VPS8: variants seen among roughly 807,000 people sequenced by gnomAD.
VPS8 encodes VPS8 subunit of CORVET complex, also known as vacuolar protein sorting-associated protein 8 homolog.
In VPS8, 129 loss-of-function variants were observed where a neutral mutation model predicts 216.4. The ratio of observed to expected loss-of-function variants is 0.60; its 90% confidence interval spans 0.52 to 0.69. VPS8 has a LOEUF of 0.69. VPS8 is among the 30% of genes least tolerant of loss of function. The probability of loss-of-function intolerance (pLI) is 0.00; values close to 1 mark genes in which losing one functional copy is unlikely to be tolerated. For missense variants in VPS8, 1,531 were observed against 1,683.5 expected, an observed-to-expected ratio of 0.91 and a Z score of 1.59; for synonymous variants, 571 against 565.4, an observed-to-expected ratio of 1.01 and a Z score of -0.14.
At chr3:184,930,775 C>T (rs1740541603) in intron 34 of VPS8, among the ~76,000 whole-genome samples, 1 of 152,146 alleles carries the variant, frequency 6.6e-6, no homozygotes, top group Non-Finnish European at 1.5e-5. Flanking sequence ...CTGAAACTAG[C>T]CCATGTTCAA....
At position 184,866,964 on chromosome 3, in the gene VPS8, C is replaced by T. The variant is rs576661941; in HGVS notation, c.1470+14C>T. On this transcript the variant is annotated intron_variant, in intron 17 of 47. Transcript: ENST00000625842. ...TTGGGGACAAAAGTAAGCTCTTTTA[C>T]TCTGTGAGTTGGTATTTGTATGTAT... is the stretch of plus-strand genomic sequence containing the variant. 1.8e-5 allele frequency: 29 copies of T among 1,610,664 alleles called. No homozygotes were observed. In the Admixed American group the frequency reaches 2.9e-4, roughly 16 times the overall value.
At chr3:184,859,852 T>C (rs1725942952) in intron 14 of VPS8, 133 bp from the exon 15 acceptor site, 2 of 578,134 alleles carry the variant, frequency 3.5e-6, no homozygotes, top group Non-Finnish European at 3.1e-6. Flanking sequence ...TGTGTAATTA[T>C]CAGTATTTTT....
chr3:184,854,295 G>T, intron 13 of VPS8, 122 bp downstream of exon 13: 1 of 1,106,444 alleles, frequency 9.0e-7, no homozygotes. Context: ...GAAAGTCAGT[G>T]CTCCAGAGAT....
Position 184,824,652 on chromosome 3 carries a change from A to G in VPS8, c.20A>G (p.His7Arg), listed in dbSNP as rs747445692. MENEPD[H>R]ENVEQSLCAK... ...GTAAATATGGAAAATGAACCAGACC[A>G]TGAAAATGTGGAACAGAGCCTCTGT... The change falls in exon 2 of 48, where the codon CAT becomes CGT. Residue 7 changes from histidine (H) to arginine (R), a missense_variant. Physicochemically the swap from His to Arg is conservative, Grantham distance 29 (BLOSUM62 0). Transcript: ENST00000625842. 3.8e-5 allele frequency: 61 copies of G among 1,613,812 alleles called. No homozygotes were observed. The highest frequency in any genetic ancestry group is 4.2e-5 in the Non-Finnish European group (49 of 1,179,868).
intron 34 of VPS8, 99 bp from the exon 35 acceptor site, chr3:184,936,147 C>A: frequency 1.0e-6 from 1 of 974,008 alleles, no homozygotes. Context: ...AGCATGGAAG[C>A]TTGCGACTGT....
intron 46 of VPS8, among the ~76,000 whole-genome samples, chr3:185,027,640 T>C (rs971860995): frequency 6.6e-6 from 1 of 152,154 alleles, no homozygotes; most frequent in Admixed American, 6.5e-5. Context: ...AATTTTGCCA[T>C]GTATATAGGC....
chr3:184,944,664 A>C, intron 36 of VPS8: 1 of 881,252 alleles, frequency 1.1e-6, no homozygotes, highest in Non-Finnish European at 1.4e-6. Flanking sequence ...TTTGTTAACA[A>C]TATTCTGAAG....
chr3:184,831,976 T>C (rs949337983), intron 3 of VPS8, among the ~76,000 whole-genome samples: 2 of 152,192 alleles, frequency 1.3e-5, no homozygotes, highest in Non-Finnish European at 2.9e-5. Flanking sequence ...CTGCTATATA[T>C]AGTATACTAA....
chr3:185,042,499 C>T lies in VPS8; in HGVS notation c.4057-5980C>T, dbSNP rs563586975. ...GTGGCCCCTGGAAGGGGGTCAGTCTCACTGTCATCCATCAGTGTCCCCGTT... is the reference window on the plus strand; with the variant it reads ...GTGGCCCCTGGAAGGGGGTCAGTCTTACTGTCATCCATCAGTGTCCCCGTT... On this transcript the variant is annotated intron_variant, in intron 46 of 47. Transcript: ENST00000625842. 2.0e-5 allele frequency among the ~76,000 whole-genome samples: 3 copies of T among 152,322 alleles called. No individual in the cohort carries two copies. In the South Asian group the frequency reaches 6.2e-4, roughly 32 times the overall value.
chr3:184,920,453 T>C (rs1330774290), intron 29 of VPS8, among the ~76,000 whole-genome samples: 1 of 152,198 alleles, frequency 6.6e-6, no homozygotes, highest in Non-Finnish European at 1.5e-5. Context: ...ATGGTGATAA[T>C]TGCTATGTTA....
At chr3:185,037,980 T>G (rs1759137701) in intron 46 of VPS8, among the ~76,000 whole-genome samples, 1 of 152,240 alleles carries the variant, frequency 6.6e-6, no homozygotes, top group Admixed American at 6.5e-5. Flanking sequence ...AGGAAGTTTG[T>G]TTCCTGCTTT....
intron 16 of VPS8, among the ~76,000 whole-genome samples, chr3:184,865,038 A>C (rs1275570519): frequency 6.6e-6 from 1 of 152,182 alleles, no homozygotes; most frequent in Admixed American, 6.5e-5. Context: ...ATAGATGAAA[A>C]AATGCGCTAG....
At chr3:185,009,762 G>A (rs889628830) in intron 45 of VPS8, among the ~76,000 whole-genome samples, 8 of 151,938 alleles carry the variant, frequency 5.3e-5, no homozygotes, top group Admixed American at 2.0e-4. Context: ...AAGTTTTCAC[G>A]GCATGACTCA....
At chr3:185,020,532 GTGATCA>G (rs1756501576) in intron 45 of VPS8, among the ~76,000 whole-genome samples, 1 of 143,088 alleles carries the variant, frequency 7.0e-6, no homozygotes, top group Non-Finnish European at 1.5e-5. Flanking sequence ...GTACAGTGTT[GTGATCA>G]TAGTTCACTG....
intron 1 of VPS8, chr3:184,817,184 G>A (rs1716511395): frequency 7.1e-6 from 1 of 141,374 alleles, no homozygotes; most frequent in Admixed American, 7.1e-5. Flanking sequence ...ACCATACTTT[G>A]TATTACGTGA....
intron 25 of VPS8, among the ~76,000 whole-genome samples, chr3:184,911,719 C>T (rs576210054): frequency 2.6e-5 from 4 of 152,294 alleles, no homozygotes; most frequent in Admixed American, 2.0e-4. Flanking sequence ...GAATAGACTC[C>T]CTTAGCTGAG....
chr3:185,014,276 G>A (rs1755463559), intron 45 of VPS8, among the ~76,000 whole-genome samples: 2 of 152,070 alleles, frequency 1.3e-5, no homozygotes, highest in East Asian at 1.9e-4. Context: ...TTCTTGATCT[G>A]TCCCTAAGTA....
chr3:184,992,611 G>A (rs1291501793), intron 42 of VPS8, among the ~76,000 whole-genome samples: 1 of 152,008 alleles, frequency 6.6e-6, no homozygotes, highest in Non-Finnish European at 1.5e-5. Context: ...GCTTAGTACT[G>A]TACTTGGCAT....
rs1725988650 is a variant in VPS8, at chr3:184,860,073, T to C, written c.1224+8T>C. On this transcript the variant is annotated splice_region_variant and intron_variant, in intron 15 of 47. Transcript: ENST00000625842. The stretch of plus-strand genomic sequence containing the variant: ...GACCTCATCAACTTTACCGTGAGTA[T>C]TATTCAAATTAAATATCCCCATTTA... 6.3e-7 allele frequency: 1 copy of C among 1,591,516 alleles called. No individual in the cohort carries two copies. The highest frequency in any genetic ancestry group is 8.6e-7 in the Non-Finnish European group (1 of 1,161,700).
Sources: allele counts gnomAD v4.1 joint callset (sites outside exome capture counted in the v4.1 genomes callset), GRCh38; gene constraint gnomAD v4.1.1; transcripts MANE v1.5; gene names NCBI Gene and HGNC (gene_info 2026-07-23, HGNC 2026-07-21).